Variants in TSG101 observed in about 807,000 individuals in gnomAD.
The protein encoded by TSG101 is tumor susceptibility gene 101 protein.
A neutral mutation model predicts 48.5 loss-of-function variants in TSG101; 19 were observed. The observed-to-expected ratio is 0.39, with a 90% CI of 0.27 to 0.58. The LOEUF is 0.58. Among genes scored for constraint, TSG101 ranks in the 20% least tolerant of loss-of-function variants. The probability of loss-of-function intolerance (pLI) is 0.55; values close to 1 mark genes in which losing one functional copy is unlikely to be tolerated. For missense variants in TSG101, 365 were observed against 484.4 expected (o/e 0.75, Z 2.31); for synonymous variants, 174 against 169.4 (o/e 1.03, Z -0.21).
intron 1 of TSG101, among the ~76,000 whole-genome samples, chr11:18,526,353 G>A (rs903156107): frequency 6.6e-6 from 1 of 152,210 alleles, no homozygotes; most frequent in African/African-American, 2.4e-5. Flanking sequence ...CTGCGGGTCG[G>A]CAAAAGAAAG....
chr11:18,494,363 CTAATT>C (rs1849744143), intron 7 of TSG101, among the ~76,000 whole-genome samples: 2 of 152,194 alleles, frequency 1.3e-5, no homozygotes, highest in Admixed American at 1.3e-4. Context: ...TGTGAAAAGA[CTAATT>C]TAAGAATCTA....
chr11:18,496,571 ATC>A (rs1182503260), intron 7 of TSG101, among the ~76,000 whole-genome samples: 2 of 152,310 alleles, frequency 1.3e-5, no homozygotes, highest in African/African-American at 4.8e-5. Flanking sequence ...AGTGACTCAC[ATC>A]TGTAATCCGG....
chr11:18,519,463 A>G (rs1850232121), intron 2 of TSG101, 56 bp downstream of exon 2: 1 of 1,390,364 alleles, frequency 7.2e-7, no homozygotes, highest in African/African-American at 1.4e-5. Flanking sequence ...TACAATCATT[A>G]ACAAAGAGAG....
chr11:18,521,553 G>A (rs4483571), intron 1 of TSG101, among the ~76,000 whole-genome samples: 2 of 150,138 alleles, frequency 1.3e-5, no homozygotes, highest in African/African-American at 4.9e-5. Flanking sequence ...ATTTTTCATA[G>A]AGACAGGATC....
At chr11:18,482,362 C>T (rs1849553918) in intron 8 of TSG101, among the ~76,000 whole-genome samples, 1 of 152,206 alleles carries the variant, frequency 6.6e-6, no homozygotes, top group South Asian at 2.1e-4. Context: ...ATTGGTGTCA[C>T]TTTCCTGAAT....
intron 9 of TSG101, 90 bp from the exon 10 acceptor site, chr11:18,480,725 A>G: frequency 8.2e-7 from 1 of 1,219,150 alleles, no homozygotes; most frequent in East Asian, 2.5e-5. Flanking sequence ...GATGGGATCT[A>G]AGAACCCTAA....
chr11:18,512,341 A>G (rs1391223603), intron 4 of TSG101, among the ~76,000 whole-genome samples: 1 of 152,146 alleles, frequency 6.6e-6, no homozygotes, highest in East Asian at 1.9e-4. Context: ...CCAGTCTGCT[A>G]CTAAACCCAT....
intron 7 of TSG101, among the ~76,000 whole-genome samples, chr11:18,489,409 A>C (rs952265828): frequency 6.6e-6 from 1 of 152,170 alleles, no homozygotes; most frequent in Admixed American, 6.5e-5. Flanking sequence ...TCAGAAGATT[A>C]TTCTTAAAGG....
intron 8 of TSG101, 184 bp downstream of exon 8, chr11:18,483,686 A>G: frequency 4.6e-6 from 3 of 657,918 alleles, no homozygotes; most frequent in Non-Finnish European, 5.1e-6. Context: ...CTCCCAATCT[A>G]AGACCAAATG....
Position 18,509,533 on chromosome 11 carries a change from T to A in TSG101, c.481+9A>T. Reference sequence around the variant, plus strand: ...ATGAGTTTTAAAGTAAAATCTCAATTCTACTTACTATTTGGTGGCCCCGTT... The same window carrying A: ...ATGAGTTTTAAAGTAAAATCTCAATACTACTTACTATTTGGTGGCCCCGTT... On this transcript the variant is annotated intron_variant, in intron 5 of 9. Coordinates refer to ENST00000251968, the MANE Select transcript of TSG101 (RefSeq NM_006292.4). 6.2e-7 allele frequency: 1 copy of A among 1,610,690 alleles called. No homozygotes were observed. Among genetic ancestry groups the A allele is most frequent in the Non-Finnish European group, 8.5e-7 (1 of 1,178,874 alleles).
intron 5 of TSG101, 151 bp from the exon 6 acceptor site, chr11:18,507,074 T>A (rs146141513): frequency 1.4e-4 from 64 of 466,066 alleles, no homozygotes; most frequent in African/African-American, 1.3e-3. Flanking sequence ...CAAATACCTC[T>A]CCCTTTCATA....
At position 18,502,583 on chromosome 11, in the gene TSG101, G is replaced by C. The variant is rs1333265409; in HGVS notation, c.549-6C>G. On this transcript the variant is annotated splice_polypyrimidine_tract_variant and splice_region_variant and intron_variant, in intron 6 of 9. Coordinates refer to ENST00000251968, the MANE Select transcript of TSG101 (RefSeq NM_006292.4). Reference sequence around the variant, plus strand: ...AAGGACAGCCTGGGTAACCACTAAAGACAAGAACAAAAAACATTTAACATT... The same window carrying C: ...AAGGACAGCCTGGGTAACCACTAAACACAAGAACAAAAAACATTTAACATT... 6.2e-7 allele frequency: 1 copy of C among 1,605,854 alleles called. No homozygotes were observed. Among genetic ancestry groups the C allele is most frequent in the Non-Finnish European group, 8.5e-7 (1 of 1,175,000 alleles).
chr11:18,488,840 G>T (rs531059451), intron 7 of TSG101, among the ~76,000 whole-genome samples: 1 of 152,194 alleles, frequency 6.6e-6, no homozygotes, highest in African/African-American at 2.4e-5. Context: ...AAAGGATGAT[G>T]GGGGGCCGGG....
chr11:18,489,422 T>G (rs984883447), intron 7 of TSG101, among the ~76,000 whole-genome samples: 2 of 152,142 alleles, frequency 1.3e-5, no homozygotes, highest in Non-Finnish European at 2.9e-5. Flanking sequence ...CTTAAAGGTA[T>G]TATCCAGGAA....
At chr11:18,526,723 G>T in intron 1 of TSG101, 52 bp downstream of exon 1, 3 of 1,581,138 alleles carry the variant, frequency 1.9e-6, no homozygotes, top group Non-Finnish European at 2.6e-6. Flanking sequence ...TCGACAGGGC[G>T]CGGAAGGGAG....
intron 7 of TSG101, among the ~76,000 whole-genome samples, chr11:18,488,628 G>T (rs1160464860): frequency 2.6e-5 from 4 of 152,040 alleles, no homozygotes; most frequent in Non-Finnish European, 5.9e-5. Flanking sequence ...ACAGAGCTCT[G>T]GTGCTAGAAG....
chr11:18,480,538 C>G lies in TSG101; in HGVS notation c.*8G>C. ...GAAGAGCTCAACCTCCAGCTGGTATCAGAGAAGTCAGTAGAGGTCACTGAG... is the reference window on the plus strand; with the variant it reads ...GAAGAGCTCAACCTCCAGCTGGTATGAGAGAAGTCAGTAGAGGTCACTGAG... On this transcript the variant is annotated 3_prime_UTR_variant, in exon 10 of 10. Coordinates refer to ENST00000251968, the MANE Select transcript of TSG101 (RefSeq NM_006292.4). 1 of 1,610,988 alleles carries G rather than the reference C, an allele frequency of 6.2e-7. No homozygotes were observed. The highest frequency in any genetic ancestry group is 8.5e-7 in the Non-Finnish European group (1 of 1,177,826).
In TSG101 at chr11:18,516,102, T is replaced by C; in HGVS notation, c.190A>G (p.Arg64Gly). ...NLTGTIPVPY[R>G]GNTYNIPICL... ...GGAAACCTAATAAGACATTTACCTC[T>C]ATAAGGCACAGGGATTGTTCCAGTG... The change falls in exon 3 of 10, where the codon AGA becomes GGA. Residue 64 changes from arginine to glycine, a missense_variant. Transcript: ENST00000251968. The C allele has an allele frequency of 6.2e-7, 1 of 1,613,688 alleles. No homozygotes were observed. Among genetic ancestry groups the C allele is most frequent in the Non-Finnish European group, 8.5e-7 (1 of 1,179,740 alleles).
At chr11:18,517,334 C>G (rs1420605866) in intron 2 of TSG101, among the ~76,000 whole-genome samples, 2 of 152,180 alleles carry the variant, frequency 1.3e-5, no homozygotes, top group African/African-American at 4.8e-5. Context: ...TTCTTTCAAT[C>G]TGTATTTCTC....
Sources: gnomAD v4.1 joint callset for allele counts (sites outside exome capture counted in the v4.1 genomes callset) on GRCh38, gnomAD v4.1.1 for gene constraint, MANE v1.5 for transcripts, NCBI Gene and HGNC (gene_info 2026-07-23, HGNC 2026-07-21) for gene names.